SH3GL2: variants seen among roughly 807,000 people sequenced by gnomAD.
SH3GL2 encodes endophilin-A1.
In SH3GL2, 24 loss-of-function variants were observed where a neutral mutation model predicts 46.0. That is an observed-to-expected ratio of 0.52 (90% CI 0.38 to 0.73). The LOEUF is 0.73. Among genes scored for constraint, SH3GL2 ranks in the 30% least tolerant of loss-of-function variants. The pLI is 0.00. For missense variants in SH3GL2, 413 were observed against 424.2 expected, an observed-to-expected ratio of 0.97 and a Z score of 0.23; for synonymous variants, 196 against 147.1, an observed-to-expected ratio of 1.33 and a Z score of -2.40.
At chr9:17,789,284 CTT>C in intron 5 of SH3GL2, 106 bp from the exon 6 acceptor site, 1 of 860,110 alleles carries the variant, frequency 1.2e-6, no homozygotes, top group South Asian at 1.7e-5. Flanking sequence ...TATTTTAAAA[CTT>C]AGCCTATCTT....
chr9:17,789,674 T>G lies in SH3GL2; in HGVS notation c.624+124T>G, dbSNP rs1037579786. 5 of 1,442,410 alleles carry G rather than the reference T, an allele frequency of 3.5e-6. No individual in the cohort carries two copies. In the South Asian group the frequency reaches 7.1e-5, roughly 20 times the overall value. The allele number at this position is 1,442,410 out of a possible 1,614,324, so 89.4% of individuals were successfully genotyped here. The stretch of plus-strand genomic sequence containing the variant: ...ACTATGTGATAAGAACTTCAGTAGA[T>G]AGTTATTTATTTTAAATAATTGTCA... On this transcript the variant is annotated intron_variant, in intron 6 of 8. Coordinates refer to ENST00000380607, the MANE Select transcript of SH3GL2 (RefSeq NM_003026.5).
At position 17,637,878 on chromosome 9, in the gene SH3GL2, C is replaced by T. The variant is rs552601384; in HGVS notation, c.45+58591C>T. On this transcript the variant is annotated intron_variant, in intron 1 of 8. Coordinates refer to ENST00000380607, the MANE Select transcript of SH3GL2 (RefSeq NM_003026.5). ...TTGATCTTAAAACACTGATTTCAGC[C>T]GGGCGCGGTGGCTCAAGCCTGTAAT... Among the ~76,000 whole-genome samples the T allele has an allele frequency of 6.6e-5, 10 of 152,210 alleles. No homozygotes were observed. In the East Asian group the frequency reaches 1.6e-3, roughly 24 times the overall value.
intron 3 of SH3GL2, among the ~76,000 whole-genome samples, chr9:17,772,296 T>C (rs955274044): frequency 1.3e-5 from 2 of 152,250 alleles, no homozygotes; most frequent in African/African-American, 2.4e-5. Context: ...TTCACAAATT[T>C]AGTTAAAATA....
At chr9:17,770,625 A>G (rs1476304431) in intron 3 of SH3GL2, among the ~76,000 whole-genome samples, 2 of 152,214 alleles carry the variant, frequency 1.3e-5, no homozygotes, top group African/African-American at 4.8e-5. Context: ...TCGATGGTGC[A>G]TCACTCCCAT....
intron 3 of SH3GL2, among the ~76,000 whole-genome samples, chr9:17,764,705 T>C: frequency 9.9e-6 from 1 of 101,312 alleles, no homozygotes; most frequent in Non-Finnish European, 2.1e-5. Context: ...CTTGGGTACA[T>C]GGACAGGCCA....
At chr9:17,794,525 G>A (rs968659329) in intron 8 of SH3GL2, among the ~76,000 whole-genome samples, 11 of 152,112 alleles carry the variant, frequency 7.2e-5, no homozygotes, top group African/African-American at 2.2e-4. Context: ...GCTTCTCCCT[G>A]TCTGAAAACC....
At chr9:17,738,544 A>ATGTGTGT (rs869158464) in intron 1 of SH3GL2, among the ~76,000 whole-genome samples, 19 of 77,220 alleles carry the variant, frequency 2.5e-4, no homozygotes, top group African/African-American at 6.5e-4. Context: ...ATATATACAT[A>ATGTGTGT]AGTGTGTGTG....
intron 1 of SH3GL2, among the ~76,000 whole-genome samples, chr9:17,602,180 A>C (rs997021579): frequency 1.3e-5 from 2 of 152,188 alleles, no homozygotes; most frequent in African/African-American, 4.8e-5. Flanking sequence ...CCAAGGCAGG[A>C]TGCTCGTGGC....
intron 3 of SH3GL2, among the ~76,000 whole-genome samples, chr9:17,763,287 C>T (rs1823231383): frequency 6.6e-6 from 1 of 152,056 alleles, no homozygotes; most frequent in East Asian, 1.9e-4. Flanking sequence ...TGTGTGTCTC[C>T]CCAAATTCAG....
intron 1 of SH3GL2, among the ~76,000 whole-genome samples, chr9:17,654,385 G>A (rs1820023628): frequency 6.6e-6 from 1 of 152,138 alleles, no homozygotes; most frequent in African/African-American, 2.4e-5. Context: ...TGTTTTGTGT[G>A]TTCACTGAAG....
At chr9:17,717,922 T>A (rs1432728958) in intron 1 of SH3GL2, among the ~76,000 whole-genome samples, 3 of 152,128 alleles carry the variant, frequency 2.0e-5, no homozygotes, top group Non-Finnish European at 2.9e-5. Flanking sequence ...ATCCTCTGGG[T>A]TCCACATAAT....
intron 3 of SH3GL2, among the ~76,000 whole-genome samples, chr9:17,782,863 C>G (rs961604753): frequency 6.6e-6 from 1 of 152,174 alleles, no homozygotes; most frequent in Non-Finnish European, 1.5e-5. Context: ...GTCACCCTCT[C>G]TAACGCACGC....
intron 3 of SH3GL2, among the ~76,000 whole-genome samples, chr9:17,766,117 C>T (rs1823310348): frequency 6.6e-6 from 1 of 152,194 alleles, no homozygotes; most frequent in Non-Finnish European, 1.5e-5. Context: ...ACCTCACAGT[C>T]TTAGTGTAAG....
At chr9:17,713,819 G>A (rs1006146024) in intron 1 of SH3GL2, among the ~76,000 whole-genome samples, 3 of 151,542 alleles carry the variant, frequency 2.0e-5, no homozygotes, top group African/African-American at 7.3e-5. Flanking sequence ...TCTTGTATAC[G>A]TTTCATGTAC....
chr9:17,769,065 A>G lies in SH3GL2; in HGVS notation c.187+7556A>G, dbSNP rs1030384305. ...ATCACTTCCTCTCCATGTCTTCTCA[A>G]AGCCTTCGCTGGGGTCTCTGCTCAA... On this transcript the variant is annotated intron_variant, in intron 3 of 8. Transcript: ENST00000380607. Among the ~76,000 whole-genome samples the G allele has an allele frequency of 4.6e-5, 7 of 152,266 alleles. No individual in the cohort carries two copies. The South Asian group carries it at 1.5e-3, about 32-fold the overall frequency.
intron 1 of SH3GL2, among the ~76,000 whole-genome samples, chr9:17,659,296 C>T (rs989193689): frequency 1.3e-5 from 2 of 152,132 alleles, no homozygotes; most frequent in Admixed American, 6.5e-5. Context: ...GTCTGTGTTC[C>T]TGGGAGAACT....
chr9:17,623,705 T>TACACAC (rs10660392), intron 1 of SH3GL2, among the ~76,000 whole-genome samples: 2,928 of 147,864 alleles, frequency 0.02, 43 homozygotes, highest in African/African-American at 0.04. Context: ...TATAATTTCC[T>TACACAC]ACACACACAC....
chr9:17,608,250 C>G (rs1346321147), intron 1 of SH3GL2, among the ~76,000 whole-genome samples: 3 of 150,160 alleles, frequency 2.0e-5, no homozygotes, highest in African/African-American at 7.3e-5. Flanking sequence ...CAGGTTCACG[C>G]CATTCTCCTG....
chr9:17,694,058 T>C (rs1821147049), intron 1 of SH3GL2, among the ~76,000 whole-genome samples: 1 of 152,218 alleles, frequency 6.6e-6, no homozygotes, highest in Admixed American at 6.5e-5. Flanking sequence ...CTCGTTTTTC[T>C]AGTTGGAAAC....
Sources: gnomAD v4.1 joint callset for allele counts (sites outside exome capture counted in the v4.1 genomes callset) on GRCh38, gnomAD v4.1.1 for gene constraint, MANE v1.5 for transcripts, NCBI Gene and HGNC (gene_info 2026-07-23, HGNC 2026-07-21) for gene names.